The following TRIM65 variants were observed in gnomAD, a reference collection of about 807,000 sequenced individuals.
The protein encoded by TRIM65 is tripartite motif containing 65.
TRIM65 carries 46 observed loss-of-function variants against 36.1 expected under a neutral mutation model. That is an observed-to-expected ratio of 1.27 (90% confidence interval 1.01 to 1.63). The LOEUF is 1.63. Among genes scored for constraint, TRIM65 ranks in the 40% most tolerant of loss-of-function variants. The probability of loss-of-function intolerance (pLI) is 0.00; values close to 1 mark genes in which losing one functional copy is unlikely to be tolerated. For missense variants in TRIM65, 708 were observed against 696.6 expected (o/e 1.02, Z -0.18); for synonymous variants, 346 against 313.6 (o/e 1.10, Z -1.09).
At chr17:75,896,491 C>G in intron 1 of TRIM65, 33 bp downstream of exon 1, 1 of 1,304,152 alleles carries the variant, frequency 7.7e-7, no homozygotes, top group Non-Finnish European at 9.8e-7. Context: ...TGCGGCGGGT[C>G]CGGACCCCTC....
Position 75,896,856 on chromosome 17 carries a change from C to A in TRIM65, c.82G>T (p.Gly28Cys). 6.5e-7 allele frequency: 1 copy of A among 1,531,084 alleles called. No homozygotes were observed. The highest frequency in any genetic ancestry group is 2.5e-5 in the East Asian group (1 of 39,340). 94.8% of individuals were successfully genotyped at this position (1,531,084 alleles called of 1,614,324 possible). The change falls in exon 1 of 6, where the codon GGC becomes TGC. Residue 28 changes from glycine to cysteine, a missense_variant. Physicochemically the swap from Gly to Cys is radical, Grantham distance 159. Coordinates refer to ENST00000269383, the MANE Select transcript of TRIM65 (RefSeq NM_173547.4). ...LYQDPVTLPC[G>C]HNFCGACIRD... ...ATGCAGGCCCCGCAGAAGTTGTGGC[C>A]GCAGGGCAGCGTCACTGGGTCCTGG...
At chr17:75,893,462 C>T (rs72860401) in intron 1 of TRIM65, among the ~76,000 whole-genome samples, 23 of 152,240 alleles carry the variant, frequency 1.5e-4, no homozygotes, top group Admixed American at 6.5e-4. Flanking sequence ...TATTCGGTTG[C>T]GCTCCCTGAG....
chr17:75,880,116 C>A (rs966683683), downstream of TRIM65, among the ~76,000 whole-genome samples: 33 of 150,826 alleles, frequency 2.2e-4, 4 homozygotes, highest in African/African-American at 8.2e-4. Flanking sequence ...CTGGTGTATT[C>A]TCTCCATTTG....
At chr17:75,891,431 G>A in intron 5 of TRIM65, 84 bp from the exon 6 acceptor site, 4 of 1,434,676 alleles carry the variant, frequency 2.8e-6, no homozygotes, top group South Asian at 2.4e-5. Context: ...ACCTCCGCCA[G>A]GCACGCTGAG....
In TRIM65 at chr17:75,889,938, AC is replaced by A. The variant is rs2065243769; in HGVS notation, c.*840del. On this transcript the variant is annotated 3_prime_UTR_variant, in exon 6 of 6. Coordinates refer to ENST00000269383, the MANE Select transcript of TRIM65 (RefSeq NM_173547.4). ...ATGGAGATCCTGTCTCAAAAAAAAC[AC>A]ATCAATGTTTGTATAGCTAAAAAGA... is the stretch of plus-strand genomic sequence containing the variant. 1 of 152,238 alleles carries A rather than the reference AC, an allele frequency of 6.6e-6. No individual in the cohort carries two copies. The highest frequency in any genetic ancestry group is 2.4e-5 in the African/African-American group (1 of 41,456). The allele number at this position is 152,238 out of a possible 1,614,324, so 9.4% of individuals were successfully genotyped here.
In TRIM65 at chr17:75,890,818, A is replaced by G. The variant is rs145477224; in HGVS notation, c.1515T>C (p.Ala505=). 5.5e-4 allele frequency: 825 copies of G among 1,512,188 alleles called. 2 individuals carry two copies. Among genetic ancestry groups the G allele is most frequent in the Non-Finnish European group, 6.7e-4 (762 of 1,132,284 alleles). 93.7% of individuals were successfully genotyped at this position (1,512,188 alleles called of 1,614,324 possible). The part of the protein sequence containing the change: ...RTLTLCHQPG[A]VFPLGPQEEV... Reference sequence around the variant, plus strand: ...CTTCCTGGGGCCCCAGAGGGAACACAGCCCCTGGCTGATGGCACAGGGTCA... The same window carrying G: ...CTTCCTGGGGCCCCAGAGGGAACACGGCCCCTGGCTGATGGCACAGGGTCA... Residue 505 remains alanine, a synonymous_variant, in exon 6 of 6, where the codon GCT becomes GCC. Coordinates refer to ENST00000269383, the MANE Select transcript of TRIM65 (RefSeq NM_173547.4).
chr17:75,886,982 C>A (rs746018670), downstream of TRIM65, among the ~76,000 whole-genome samples: 112 of 151,466 alleles, frequency 7.4e-4, no homozygotes, highest in Non-Finnish European at 1.4e-3. Flanking sequence ...CAGTGAGAAC[C>A]CCATTCTTGA....
Position 75,890,934 on chromosome 17 carries a change from G to A in TRIM65, c.1399C>T (p.Leu467=), listed in dbSNP as rs1450514362. ...TACAGGGGCTGGGTCTGGGGCTCCAGGCTGTAGAAGGTGAGGCAGCCTGAG... is the reference window on the plus strand; with the variant it reads ...TACAGGGGCTGGGTCTGGGGCTCCAAGCTGTAGAAGGTGAGGCAGCCTGAG... ...LASGCLTFYS[L]EPQTQPLYTF... Residue 467 remains leucine (L), a synonymous_variant, in exon 6 of 6, where the codon CTG becomes TTG. Transcript: ENST00000269383. 6.4e-7 allele frequency: 1 copy of A among 1,554,814 alleles called. No homozygotes were observed. The highest frequency in any genetic ancestry group is 8.7e-7 in the Non-Finnish European group (1 of 1,149,670).
In TRIM65 at chr17:75,896,606, C is replaced by A. The variant is rs2065350537; in HGVS notation, c.332G>T (p.Arg111Leu). 3.2e-6 allele frequency: 4 copies of A among 1,268,080 alleles called. No homozygotes were observed. Among genetic ancestry groups the A allele is most frequent in the Admixed American group, 4.1e-5 (1 of 24,400 alleles). The allele number at this position is 1,268,080 out of a possible 1,614,324, so 78.6% of individuals were successfully genotyped here. Residue 111 changes from arginine to leucine, a missense_variant, in exon 1 of 6, where the codon CGC becomes CTC. Arg to Leu is a moderately radical substitution (Grantham distance 102). Transcript: ENST00000269383. ...CACGGTGCACACGCTGCACACACAG[C>A]GGCCCTCGGTCCGGCAGAAGAGCTC... ...PLELFCRTEG[R>L]CVCSVCTVRE...
At chr17:75,882,991 AAC>A (rs2065178312) in intron 4 of TRIM65, among the ~76,000 whole-genome samples, 2 of 149,376 alleles carry the variant, frequency 1.3e-5, no homozygotes, top group African/African-American at 5.1e-5. Context: ...AAAAAAAAAA[AAC>A]AAAAACAAAA....
chr17:75,884,618 T>C (rs1051416120), downstream of TRIM65, among the ~76,000 whole-genome samples: 6 of 152,122 alleles, frequency 3.9e-5, no homozygotes, highest in African/African-American at 1.4e-4. Context: ...CTTGCTCTCC[T>C]TTTTTGTTTT....
In TRIM65 at chr17:75,889,539, C is replaced by T. The variant is rs1393263497; in HGVS notation, c.*1240G>A. 4 of 152,244 alleles carry T rather than the reference C, an allele frequency of 2.6e-5. No homozygotes were observed. Among genetic ancestry groups the T allele is most frequent in the Non-Finnish European group, 5.9e-5 (4 of 68,066 alleles). The allele number at this position is 152,244 out of a possible 1,614,324, so 9.4% of individuals were successfully genotyped here. A position where few individuals can be genotyped will look rare whatever the true frequency, so the allele number is the denominator to read the frequency against. ...CCACACCAAACCAGGAGGAGCTAGC[C>T]TGTGCCGACACCTGCACACACGGCT... On this transcript the variant is annotated 3_prime_UTR_variant, in exon 6 of 6. Transcript: ENST00000269383.
chr17:75,890,987 C>T lies in TRIM65; in HGVS notation c.1346G>A (p.Arg449Gln), dbSNP rs781465287. The T allele has an allele frequency of 3.0e-5, 48 of 1,579,234 alleles. No individual in the cohort carries two copies. Among genetic ancestry groups the T allele is most frequent in the African/African-American group, 3.0e-4 (22 of 73,818 alleles). Residue 449 changes from arginine (R) to glutamine (Q), a missense_variant, in exon 6 of 6, where the codon CGG (arginine) becomes CAG (glutamine). Coordinates refer to ENST00000269383, the MANE Select transcript of TRIM65 (RefSeq NM_173547.4). ...CAGGTCCAAATCCATGCCCAGGAGC[C>T]GCCCTGACACCCCTGGGAGGCGCTG... The part of the protein sequence containing the change: ...EAQRLPGVSG[R>Q]LLGMDLDLAS...
rs1406451387 is a variant in TRIM65, at chr17:75,881,690, G to C, written c.350-1061C>G. 1.3e-5 allele frequency among the ~76,000 whole-genome samples: 2 copies of C among 150,680 alleles called. 1 individual carries two copies. The highest frequency in any genetic ancestry group is 5.0e-5 in the African/African-American group (2 of 39,988). Reference sequence around the variant, plus strand: ...CACATTCAGACTGTTGCAACTCCAAGTGCCAAAAGAGCGGTGCAATCTGCT... The same window carrying C: ...CACATTCAGACTGTTGCAACTCCAACTGCCAAAAGAGCGGTGCAATCTGCT... On this transcript the variant is annotated intron_variant, in intron 4 of 4. Coordinates refer to the TRIM65 transcript ENST00000591668.
chr17:75,888,017 G>A (rs1447613799), downstream of TRIM65, among the ~76,000 whole-genome samples: 1 of 151,822 alleles, frequency 6.6e-6, no homozygotes, highest in Non-Finnish European at 1.5e-5. Context: ...TTAGCTGGGC[G>A]TGGTGGCAGG....
rs2065246520 is a variant in TRIM65, at chr17:75,890,200, G to A, written c.*579C>T. The A allele has an allele frequency of 6.6e-6, 1 of 152,212 alleles. No homozygotes were observed. Among genetic ancestry groups the A allele is most frequent in the African/African-American group, 2.4e-5 (1 of 41,432 alleles). The allele number at this position is 152,212 out of a possible 1,614,324, so 9.4% of individuals were successfully genotyped here. A position where few individuals can be genotyped will look rare whatever the true frequency, so the allele number is the denominator to read the frequency against. ...ACTGTACTCCAGCCTGAGTGACAGAGCAAGACCATCTCCTAAAAACACAAA... is the reference window on the plus strand; with the variant it reads ...ACTGTACTCCAGCCTGAGTGACAGAACAAGACCATCTCCTAAAAACACAAA... On this transcript the variant is annotated 3_prime_UTR_variant, in exon 6 of 6. Transcript: ENST00000269383.
chr17:75,879,732 T>C (rs2065157860), downstream of TRIM65, among the ~76,000 whole-genome samples: 1 of 150,760 alleles, frequency 6.6e-6, no homozygotes, highest in South Asian at 2.1e-4. Flanking sequence ...ATATTTCGCA[T>C]TGAAAATTCC....
At chr17:75,888,878 G>A (rs1039763361), downstream of TRIM65, 10 of 151,236 alleles carry the variant, frequency 6.6e-5, no homozygotes, top group South Asian at 2.1e-4. Context: ...GGCAGTGATC[G>A]GGGTGGGGTC....
rs770959379 is a variant in TRIM65 at position 75,891,270 on chromosome 17, G to A, written c.1063C>T (p.His355Tyr). The change falls in exon 6 of 6, where the codon CAC becomes TAC. Residue 355 changes from histidine (H) to tyrosine (Y), a missense_variant. His to Tyr is a moderately conservative substitution (Grantham distance 83). Transcript: ENST00000269383. ...CCTGGGCCCCGGGACTGACGACAGT[G>A]CTTCACCTGCTGGTCCTGGCGCGAC... ...YLSRQDQQVK[H>Y]CRQSRGPGGP... is the part of the protein sequence containing the mutation. The A allele has an allele frequency of 1.2e-6, 2 of 1,613,058 alleles. No individual in the cohort carries two copies. Among genetic ancestry groups the A allele is most frequent in the Non-Finnish European group, 1.7e-6 (2 of 1,179,818 alleles).
Sources: gnomAD v4.1 joint callset for allele counts (sites outside exome capture counted in the v4.1 genomes callset) on GRCh38, gnomAD v4.1.1 for gene constraint, MANE v1.5 for transcripts, NCBI Gene and HGNC (gene_info 2026-07-23, HGNC 2026-07-21) for gene names.